GLB1: variants seen among roughly 807,000 people sequenced by gnomAD.
GLB1 encodes the protein beta-galactosidase.
Under a neutral mutation model 74.0 loss-of-function variants are expected in GLB1, and 56 were observed. The ratio of observed to expected loss-of-function variants is 0.76; its 90% confidence interval spans 0.61 to 0.94. GLB1 has a LOEUF of 0.94. Ranked by LOEUF, GLB1 falls within the 40% of genes least tolerant of loss-of-function variation. The pLI is 0.00. For missense variants in GLB1, 787 were observed against 845.5 expected, an observed-to-expected ratio of 0.93 and a Z score of 0.86; for synonymous variants, 323 against 323.6, an observed-to-expected ratio of 1.00 and a Z score of 0.02.
At chr3:33,033,569 G>A (rs1327702431) in intron 10 of GLB1, among the ~76,000 whole-genome samples, 1 of 152,130 alleles carries the variant, frequency 6.6e-6, no homozygotes, top group Admixed American at 6.6e-5. Flanking sequence ...GATCACTTGA[G>A]GTCAAGAGTT....
At chr3:33,055,505 G>A (rs1699178981) in intron 6 of GLB1, among the ~76,000 whole-genome samples, 1 of 149,120 alleles carries the variant, frequency 6.7e-6, no homozygotes, top group African/African-American at 2.5e-5. Context: ...CTGTTGCCCA[G>A]GCTGGAGTGT....
At chr3:33,007,245 C>T (rs943283321) in intron 15 of GLB1, among the ~76,000 whole-genome samples, 1 of 152,176 alleles carries the variant, frequency 6.6e-6, no homozygotes, top group Non-Finnish European at 1.5e-5. Flanking sequence ...AATTCATATA[C>T]CATACAATTC....
rs1164121524 is a variant in GLB1 at position 33,096,993 on chromosome 3, C to G, written c.75+18G>C. On this transcript the variant is annotated intron_variant, in intron 1 of 15. Coordinates refer to ENST00000307363, the MANE Select transcript of GLB1 (RefSeq NM_000404.4). The stretch of plus-strand genomic sequence containing the variant: ...TCCCCTAGCAATGCCTCCCCGTACC[C>G]GGGTCCCGCAGACTTACGCGCAAGC... The G allele has an allele frequency of 1.9e-6, 3 of 1,610,116 alleles. No individual in the cohort carries two copies. The highest frequency in any genetic ancestry group is 2.5e-6 in the Non-Finnish European group (3 of 1,178,248).
intron 15 of GLB1, among the ~76,000 whole-genome samples, chr3:33,001,219 TTCTC>T (rs1283457165): frequency 2.1e-5 from 3 of 145,796 alleles, no homozygotes; most frequent in Non-Finnish European, 3.1e-5. Flanking sequence ...GTCTTCTCTC[TTCTC>T]TCTCTCTCTC....
At chr3:33,015,229 A>T (rs1697192911) in intron 14 of GLB1, among the ~76,000 whole-genome samples, 1 of 152,192 alleles carries the variant, frequency 6.6e-6, no homozygotes, top group South Asian at 2.1e-4. Flanking sequence ...CGGATGGAGC[A>T]GGTACGACGG....
intron 2 of GLB1, among the ~76,000 whole-genome samples, chr3:33,070,789 T>A (rs981098636): frequency 3.3e-5 from 5 of 152,088 alleles, no homozygotes; most frequent in African/African-American, 1.2e-4. Context: ...AAGGTTTCAG[T>A]GAACTATGAT....
chr3:32,963,019 G>T, the GLB1 span, among the ~76,000 whole-genome samples: 1 of 151,966 alleles, frequency 6.6e-6, no homozygotes, highest in Admixed American at 6.6e-5. Flanking sequence ...ATGAGGATAC[G>T]CATATTATAA....
chr3:33,017,409 A>G (rs1006842359), intron 13 of GLB1, among the ~76,000 whole-genome samples: 2 of 152,238 alleles, frequency 1.3e-5, no homozygotes, highest in East Asian at 1.9e-4. Flanking sequence ...TGACCTTACA[A>G]TGATCATAAT....
intron 9 of GLB1, among the ~76,000 whole-genome samples, 155 bp downstream of exon 9, chr3:33,051,603 C>CAAAAAAAA (rs59740209): frequency 9.3e-5 from 7 of 75,392 alleles, no homozygotes; most frequent in African/African-American, 2.6e-4. Flanking sequence ...AGACTGTCTA[C>CAAAAAAAA]AAAAAAAAAA....
intron 15 of GLB1, among the ~76,000 whole-genome samples, chr3:32,998,393 A>C (rs553307815): frequency 6.6e-6 from 1 of 152,216 alleles, no homozygotes; most frequent in African/African-American, 2.4e-5. Context: ...CTGTAATCCC[A>C]GTTACTCAGG....
chr3:33,041,735 C>T (rs917466255), intron 10 of GLB1, among the ~76,000 whole-genome samples: 1 of 148,958 alleles, frequency 6.7e-6, no homozygotes, highest in Non-Finnish European at 1.5e-5. Context: ...AATTTTCAGA[C>T]AAAGAAGAAT....
chr3:33,053,063 G>C (rs563805455), intron 7 of GLB1, among the ~76,000 whole-genome samples: 67 of 152,334 alleles, frequency 4.4e-4, no homozygotes, highest in Non-Finnish European at 8.8e-5. Flanking sequence ...AACGGAGAGA[G>C]AAGGATTGAT....
chr3:33,057,051 C>CT (rs1699252708), intron 6 of GLB1, among the ~76,000 whole-genome samples: 1 of 152,216 alleles, frequency 6.6e-6, no homozygotes. Context: ...GAGGTAGGGC[C>CT]TGGTGGCAGG....
chr3:33,018,532 T>C lies in GLB1; in HGVS notation c.1263A>G (p.Thr421=), dbSNP rs2125470039. The stretch of plus-strand genomic sequence containing the variant: ...CTGGGTTGCTGCAATCTTGAGGAAG[T>C]GTTGTCCGGTACAGCACAAACCCAT... ...QHYGFVLYRT[T]LPQDCSNPAP... Residue 421 remains threonine, a synonymous_variant, in exon 13 of 16, where the codon ACA becomes ACG. Transcript: ENST00000307363. The C allele has an allele frequency of 1.2e-6, 2 of 1,613,986 alleles. No individual in the cohort carries two copies. Among genetic ancestry groups the C allele is most frequent in the Non-Finnish European group, 1.7e-6 (2 of 1,180,004 alleles).
In GLB1 at chr3:33,046,103, TCATA is replaced by T; in HGVS notation, c.1068+13_1068+16del. ...CTGTCCAAGATCAGCCCACCACAGC[TCATA>T]CAAAGCACCCACCTTCTGGATGATG... On this transcript the variant is annotated intron_variant, in intron 10 of 15. Coordinates refer to ENST00000307363, the MANE Select transcript of GLB1 (RefSeq NM_000404.4). 1.2e-6 allele frequency: 2 copies of T among 1,611,212 alleles called. No homozygotes were observed. Among genetic ancestry groups the T allele is most frequent in the Non-Finnish European group, 1.7e-6 (2 of 1,179,224 alleles).
intron 11 of GLB1, among the ~76,000 whole-genome samples, chr3:33,022,564 ATTTTTT>A (rs61013692): frequency 3.1e-5 from 2 of 63,746 alleles, no homozygotes; most frequent in Non-Finnish European, 5.8e-5. Flanking sequence ...ACTGGTTAGG[ATTTTTT>A]TTTTTTTTTT....
intron 10 of GLB1, among the ~76,000 whole-genome samples, chr3:33,042,812 G>A (rs1698561893): frequency 6.6e-6 from 1 of 152,296 alleles, no homozygotes; most frequent in South Asian, 2.1e-4. Context: ...ATGCCACATG[G>A]CTCTCTCACC....
chr3:33,058,387 C>T, intron 5 of GLB1, 118 bp from the exon 6 acceptor site: 1 of 1,463,698 alleles, frequency 6.8e-7, no homozygotes, highest in South Asian at 1.2e-5. Context: ...TTAATGACTG[C>T]TGGAAAAATT....
intron 15 of GLB1, among the ~76,000 whole-genome samples, chr3:32,998,173 T>G (rs1463209132): frequency 6.6e-6 from 1 of 152,148 alleles, no homozygotes; most frequent in Non-Finnish European, 1.5e-5. Flanking sequence ...ACAGGGACCA[T>G]GTTTAGGTCT....
Sources: gnomAD v4.1 joint callset for allele counts (sites outside exome capture counted in the v4.1 genomes callset) on GRCh38, gnomAD v4.1.1 for gene constraint, MANE v1.5 for transcripts, NCBI Gene and HGNC (gene_info 2026-07-23, HGNC 2026-07-21) for gene names.